Variants in EFL1 observed in about 807,000 individuals in gnomAD.
EFL1 encodes the protein elongation factor-like GTPase 1.
Under a neutral mutation model 126.7 loss-of-function variants are expected in EFL1, and 76 were observed. The observed-to-expected ratio is 0.60, with a 90% CI of 0.50 to 0.73. The LOEUF is 0.73. Ranked by LOEUF, EFL1 falls within the 30% of genes least tolerant of loss-of-function variation. The pLI, the probability that EFL1 is intolerant of heterozygous loss-of-function variation, is 0.00. For missense variants in EFL1, 1,128 were observed against 1,343.2 expected (o/e 0.84, Z 2.50); for synonymous variants, 410 against 448.4 (o/e 0.91, Z 1.08).
intron 15 of EFL1, among the ~76,000 whole-genome samples, chr15:82,204,003 G>T (rs944155899): frequency 1.3e-5 from 2 of 152,106 alleles, no homozygotes; most frequent in African/African-American, 4.8e-5. Context: ...TCAAGTGGTT[G>T]TATCAATTTA....
chr15:82,229,011 A>C (rs1300107016), intron 9 of EFL1, 23 bp downstream of exon 9: 8 of 1,589,028 alleles, frequency 5.0e-6, no homozygotes, highest in African/African-American at 1.4e-5. Flanking sequence ...AAGATGCCTA[A>C]AGGTAAACAA....
At position 82,140,528 on chromosome 15, in the gene EFL1, A is replaced by G. The variant is rs755290499; in HGVS notation, c.2990-1686T>C. On this transcript the variant is annotated intron_variant, in intron 18 of 19. Coordinates refer to ENST00000268206, the MANE Select transcript of EFL1 (RefSeq NM_024580.6). ...CTTTGAGGCTTCATACTCTTTGAAC[A>G]AACTCTCCACTCAGCGAGACAACTA... 3.2e-4 allele frequency among the ~76,000 whole-genome samples: 49 copies of G among 152,278 alleles called. 1 individual carries two copies. Among genetic ancestry groups the G allele is most frequent in the Non-Finnish European group, 2.4e-4 (16 of 68,024 alleles).
intron 6 of EFL1, among the ~76,000 whole-genome samples, chr15:82,239,751 T>C (rs1274193243): frequency 1.3e-5 from 2 of 152,226 alleles, no homozygotes; most frequent in African/African-American, 4.8e-5. Context: ...TTGCCCATCG[T>C]ATTCCTTCTC....
intron 15 of EFL1, among the ~76,000 whole-genome samples, chr15:82,171,900 CTG>C (rs2141250401): frequency 6.6e-6 from 1 of 151,968 alleles, no homozygotes; most frequent in Non-Finnish European, 1.5e-5. Flanking sequence ...CACACACACC[CTG>C]TAAAGATAAA....
At chr15:82,154,960 C>T (rs866565315) in intron 17 of EFL1, among the ~76,000 whole-genome samples, 14 of 152,228 alleles carry the variant, frequency 9.2e-5, no homozygotes, top group Middle Eastern at 3.4e-3. Flanking sequence ...TGAGGTCTTG[C>T]TATGTTACCC....
Position 82,151,784 on chromosome 15 carries a change from G to C in EFL1, c.2670C>G (p.Val890=). 6.2e-7 allele frequency: 1 copy of C among 1,614,034 alleles called. No individual in the cohort carries two copies. The highest frequency in any genetic ancestry group is 8.5e-7 in the Non-Finnish European group (1 of 1,180,008). The change falls in exon 18 of 20, where the codon GTC becomes GTG. Residue 890 remains valine, a synonymous_variant. Transcript: ENST00000268206. ...GGTCCCATTTTTCCAGAACAAAACA[G>C]ACACCCATGAGAGGCTCCTCACACA... ...GPMCEEPLMG[V]CFVLEKWDLS...
At chr15:82,254,338 A>C (rs2075048837) in intron 3 of EFL1, among the ~76,000 whole-genome samples, 1 of 152,166 alleles carries the variant, frequency 6.6e-6, no homozygotes, top group South Asian at 2.1e-4. Context: ...TCCTTCCTTC[A>C]GAAAGTCTCA....
intron 19 of EFL1, among the ~76,000 whole-genome samples, chr15:82,134,982 C>T (rs1237682601): frequency 6.6e-6 from 1 of 152,106 alleles, no homozygotes; most frequent in African/African-American, 2.4e-5. Context: ...AGTGAGAAGC[C>T]ATATCTCAAC....
chr15:82,171,364 T>C (rs1032117741), intron 15 of EFL1, among the ~76,000 whole-genome samples: 1 of 152,102 alleles, frequency 6.6e-6, no homozygotes, highest in Admixed American at 6.5e-5. Flanking sequence ...AGCGGTCTGT[T>C]AGACAACAGA....
chr15:82,258,287 G>T (rs1197458632), intron 3 of EFL1, among the ~76,000 whole-genome samples: 4 of 152,156 alleles, frequency 2.6e-5, no homozygotes, highest in Non-Finnish European at 5.9e-5. Flanking sequence ...GGCTAGGTGT[G>T]GTGACTCACA....
At chr15:82,141,529 A>G (rs2073786771) in intron 18 of EFL1, among the ~76,000 whole-genome samples, 1 of 152,052 alleles carries the variant, frequency 6.6e-6, no homozygotes, top group Admixed American at 6.6e-5. Context: ...TTAGTTGGGC[A>G]TGGTGCTGTG....
chr15:82,225,085 C>G (rs904531795), intron 12 of EFL1, 80 bp downstream of exon 12: 19 of 1,070,484 alleles, frequency 1.8e-5, no homozygotes, highest in Non-Finnish European at 2.3e-5. Flanking sequence ...TATCCGTGCC[C>G]CCCCTACCCA....
At chr15:82,149,560 T>C (rs1386636025) in intron 18 of EFL1, among the ~76,000 whole-genome samples, 1 of 152,208 alleles carries the variant, frequency 6.6e-6, no homozygotes, top group Non-Finnish European at 1.5e-5. Flanking sequence ...TGAGGTGCTG[T>C]GTTCAAATAT....
rs1193491714 is a variant in EFL1 at position 82,219,726 on chromosome 15, T to C, written c.1537A>G (p.Ser513Gly). The change falls in exon 14 of 20, where the codon AGT becomes GGT. Residue 513 changes from serine (S) to glycine (G), a missense_variant. Physicochemically the swap from Ser to Gly is moderately conservative, Grantham distance 56. Around this residue, in one of 6 missense-constraint regions of EFL1, gnomAD observed 120 missense variants for 142.1 expected, o/e 0.84. Coordinates refer to ENST00000268206, the MANE Select transcript of EFL1 (RefSeq NM_024580.6). ...TTCTTTCCTCTTCGAGCCACACCAC[T>C]GAACACCCGAGCAAATGCAATAAAA... is the stretch of plus-strand genomic sequence containing the variant. ...ESFIAFARVFSGVARRGKKIF... is the reference protein window; with the variant it reads ...ESFIAFARVFGGVARRGKKIF... The C allele has an allele frequency of 1.9e-6, 3 of 1,614,058 alleles. No individual in the cohort carries two copies. The highest frequency in any genetic ancestry group is 2.5e-6 in the Non-Finnish European group (3 of 1,179,950).
intron 19 of EFL1, among the ~76,000 whole-genome samples, chr15:82,131,547 G>C (rs1001744539): frequency 6.6e-6 from 1 of 152,136 alleles, no homozygotes; most frequent in Non-Finnish European, 1.5e-5. Flanking sequence ...GTTCAAGTTT[G>C]GGGGAGGCTG....
chr15:82,211,186 C>T (rs1247945742), intron 15 of EFL1, among the ~76,000 whole-genome samples: 4 of 152,006 alleles, frequency 2.6e-5, no homozygotes, highest in African/African-American at 7.3e-5. Context: ...TTACCTGTGG[C>T]TGCCAGCTAG....
At chr15:82,230,020 T>C (rs1210216770) in intron 8 of EFL1, among the ~76,000 whole-genome samples, 1 of 152,192 alleles carries the variant, frequency 6.6e-6, no homozygotes, top group Non-Finnish European at 1.5e-5. Context: ...TCTTTCCCAC[T>C]TAGCTATATT....
At chr15:82,162,417 T>C (rs2074032794) in intron 16 of EFL1, among the ~76,000 whole-genome samples, 1 of 152,126 alleles carries the variant, frequency 6.6e-6, no homozygotes, top group Admixed American at 6.5e-5. Context: ...TAAGCTATGG[T>C]TGCCAGACTC....
intron 15 of EFL1, among the ~76,000 whole-genome samples, chr15:82,211,376 A>G (rs979837817): frequency 6.6e-6 from 1 of 151,598 alleles, no homozygotes; most frequent in Non-Finnish European, 1.5e-5. Context: ...AATACAAAAA[A>G]TTAGGTGGGC....
Sources: gnomAD v4.1 joint callset for allele counts (sites outside exome capture counted in the v4.1 genomes callset) on GRCh38, gnomAD v4.1.1 for gene constraint, gnomAD v4.1.1 regional missense constraint, MANE v1.5 for transcripts, NCBI Gene and HGNC (gene_info 2026-07-23, HGNC 2026-07-21) for gene names.